RBPJ: variants seen among roughly 807,000 people sequenced by gnomAD.
The protein encoded by RBPJ is recombining binding protein suppressor of hairless.
A neutral mutation model predicts 67.8 loss-of-function variants in RBPJ; 9 were observed. The ratio of observed to expected loss-of-function variants is 0.13; its 90% CI spans 0.08 to 0.23. RBPJ has a LOEUF of 0.23. Ranked by LOEUF, RBPJ falls within the 10% of genes least tolerant of loss-of-function variation. The pLI is 1.00. For synonymous variants in RBPJ, 198 were observed against 203.3 expected (o/e 0.97, Z 0.22); for missense variants, 305 against 595.6 (o/e 0.51, Z 5.08).
chr4:26,155,422 TTC>T, the RBPJ span, among the ~76,000 whole-genome samples: 4 of 150,912 alleles, frequency 2.7e-5, no homozygotes, highest in Admixed American at 6.6e-5. Flanking sequence ...CTTTTTAGTT[TTC>T]TCTCTCTCTC....
At chr4:26,408,371 G>A (rs1019634370) in intron 3 of RBPJ, among the ~76,000 whole-genome samples, 6 of 151,118 alleles carry the variant, frequency 4.0e-5, no homozygotes, top group South Asian at 2.1e-4. Flanking sequence ...GGGACATAGC[G>A]TACCAACTCA....
At chr4:26,389,934 TTCA>T in intron 2 of RBPJ, among the ~76,000 whole-genome samples, 1 of 152,296 alleles carries the variant, frequency 6.6e-6, no homozygotes, top group Admixed American at 6.5e-5. Context: ...TACTTCTCAG[TTCA>T]TTCTGTGAGC....
rs1409514963 is a variant in RBPJ, at chr4:26,430,575, A to C, written c.1148+53A>C. On this transcript the variant is annotated intron_variant, in intron 10 of 10. Coordinates refer to ENST00000355476, the MANE Select transcript of RBPJ (RefSeq NM_015874.6). The surrounding 1 kb of genome is among the most constrained non-coding windows in gnomAD (Gnocchi z 4.1). Reference sequence around the variant, plus strand: ...CAGAGGTTGTGAGGGGTGTGGGTACAGGAGATTCTTTCCTGGCACTGATTG... The same window carrying C: ...CAGAGGTTGTGAGGGGTGTGGGTACCGGAGATTCTTTCCTGGCACTGATTG... 57 of 1,528,354 alleles carry C rather than the reference A, an allele frequency of 3.7e-5. No homozygotes were observed. The highest frequency in any genetic ancestry group is 4.9e-5 in the Non-Finnish European group (55 of 1,119,494). 94.7% of individuals were successfully genotyped at this position (1,528,354 alleles called of 1,614,324 possible). A position where few individuals can be genotyped will look rare whatever the true frequency, so the allele number is the denominator to read the frequency against.
chr4:26,330,683 A>C (rs1294310917), intron 1 of RBPJ, among the ~76,000 whole-genome samples: 1 of 152,226 alleles, frequency 6.6e-6, no homozygotes, highest in African/African-American at 2.4e-5. Flanking sequence ...AAAGTGAGGC[A>C]TGATGGTTTG....
the RBPJ span, among the ~76,000 whole-genome samples, chr4:26,142,895 C>T: frequency 2.6e-5 from 4 of 152,174 alleles, no homozygotes; most frequent in African/African-American, 9.7e-5. Flanking sequence ...GATTCTCCTG[C>T]CTCAGCCTCC....
chr4:26,327,937 A>C (rs1723811777), intron 1 of RBPJ, among the ~76,000 whole-genome samples: 1 of 152,170 alleles, frequency 6.6e-6, no homozygotes. Flanking sequence ...TAAATGTAAT[A>C]TTGTAGTTTT....
At position 26,321,101 on chromosome 4, in the gene RBPJ, G is replaced by A. The variant is rs573349289; in HGVS notation, c.20+53G>A. 1.1e-5 allele frequency: 16 copies of A among 1,440,906 alleles called. No individual in the cohort carries two copies. In the South Asian group the frequency reaches 1.5e-4, roughly 14 times the overall value. The allele number at this position is 1,440,906 out of a possible 1,614,324, so 89.3% of individuals were successfully genotyped here. A position where few individuals can be genotyped will look rare whatever the true frequency, so the allele number is the denominator to read the frequency against. On this transcript the variant is annotated intron_variant, in intron 1 of 10. Coordinates refer to ENST00000355476, the MANE Select transcript of RBPJ (RefSeq NM_015874.6). ...GAACCGGGAAAGTTGCGGGCGTCTGGCAGCTCACGGCGGGCAGCGGGTTCG... is the reference window on the plus strand; with the variant it reads ...GAACCGGGAAAGTTGCGGGCGTCTGACAGCTCACGGCGGGCAGCGGGTTCG...
At chr4:26,119,185 G>A in the RBPJ span, among the ~76,000 whole-genome samples, 1 of 152,166 alleles carries the variant, frequency 6.6e-6, no homozygotes, top group African/African-American at 2.4e-5. Flanking sequence ...TGAAATCTCA[G>A]GAACCATAAG....
the RBPJ span, among the ~76,000 whole-genome samples, chr4:26,141,242 G>A: frequency 1.3e-5 from 2 of 152,250 alleles, no homozygotes; most frequent in Non-Finnish European, 2.9e-5. Flanking sequence ...TTATTCATGC[G>A]TGGATGTTCC....
chr4:26,370,002 A>C (rs536109630), intron 1 of RBPJ, among the ~76,000 whole-genome samples: 158 of 152,302 alleles, frequency 1.0e-3, no homozygotes, highest in Non-Finnish European at 1.9e-3. Flanking sequence ...TGGGCAGGTC[A>C]AGTGAGAAGT....
chr4:26,175,365 G>C (rs1716757395), intron 1 of RBPJ, among the ~76,000 whole-genome samples: 1 of 151,918 alleles, frequency 6.6e-6, no homozygotes, highest in African/African-American at 2.4e-5. Context: ...TACAAGCTGG[G>C]GGAGCTTGAG....
At chr4:26,139,294 A>G in the RBPJ span, among the ~76,000 whole-genome samples, 619 of 152,366 alleles carry the variant, frequency 4.1e-3, 5 homozygotes, top group African/African-American at 0.014. Flanking sequence ...TGCTTAGTGT[A>G]GTGCCCAGCC....
chr4:26,163,405 T>C (rs924501497), upstream of RBPJ: 3 of 150,848 alleles, frequency 2.0e-5, no homozygotes, highest in Admixed American at 6.6e-5. Flanking sequence ...AAAAAAGACT[T>C]GTGTCTGCAT....
chr4:26,148,070 G>A, the RBPJ span, among the ~76,000 whole-genome samples: 1 of 152,254 alleles, frequency 6.6e-6, no homozygotes, highest in East Asian at 1.9e-4. Flanking sequence ...ACGAACCACT[G>A]GTAGAGGACA....
intron 5 of RBPJ, 32 bp downstream of exon 5, chr4:26,420,757 G>T: frequency 6.6e-7 from 1 of 1,522,720 alleles, no homozygotes; most frequent in African/African-American, 1.4e-5. Flanking sequence ...ATCCCCAACT[G>T]CCACCATGAA....
chr4:26,352,521 T>C (rs1001732824), intron 1 of RBPJ, among the ~76,000 whole-genome samples: 3 of 152,166 alleles, frequency 2.0e-5, no homozygotes, highest in Non-Finnish European at 4.4e-5. Context: ...CAATCAAGGC[T>C]GGGCGTGGTG....
At chr4:26,321,137 C>CGCTTGGCGTTCGGGGGCCGCGGA (rs1722988904) in intron 1 of RBPJ, 89 bp downstream of exon 1, 2 of 1,039,706 alleles carry the variant, frequency 1.9e-6, no homozygotes, top group Non-Finnish European at 2.8e-6. Context: ...GGGGCCGCGG[C>CGCTTGGCGTTCGGGGGCCGCGGA]GCGCTTGGCG....
chr4:26,433,622 A>G lies in RBPJ; in HGVS notation c.*2615A>G, dbSNP rs958508143. The stretch of plus-strand genomic sequence containing the variant: ...TTTCTTTTCTTTTTTTGAAAAGTCC[A>G]AGAATGTACTTATACAGGCATTTTT... On this transcript the variant is annotated 3_prime_UTR_variant, in exon 11 of 11. Transcript: ENST00000355476. The G allele has an allele frequency of 2.0e-5, 3 of 152,176 alleles. No individual in the cohort carries two copies. Among genetic ancestry groups the G allele is most frequent in the African/African-American group, 7.2e-5 (3 of 41,446 alleles). The allele number at this position is 152,176 out of a possible 1,614,324, so 9.4% of individuals were successfully genotyped here. A position where few individuals can be genotyped will look rare whatever the true frequency, so the allele number is the denominator to read the frequency against.
At chr4:26,306,173 C>T (rs972602451) in intron 1 of RBPJ, among the ~76,000 whole-genome samples, 19 of 152,014 alleles carry the variant, frequency 1.2e-4, no homozygotes, top group African/African-American at 4.3e-4. Context: ...TCCTTCTTTC[C>T]AATCTGATGT....
Sources: allele counts gnomAD v4.1 joint callset (sites outside exome capture counted in the v4.1 genomes callset), GRCh38; gene constraint gnomAD v4.1.1; non-coding constraint Gnocchi (gnomAD v3.1); transcripts MANE v1.5; gene names NCBI Gene and HGNC (gene_info 2026-07-23, HGNC 2026-07-21).